KCNJ6: variants seen among roughly 807,000 people sequenced by gnomAD.
KCNJ6 encodes the protein G protein-activated inward rectifier potassium channel 2.
KCNJ6 carries 9 observed loss-of-function variants against 34.2 expected under a neutral mutation model. The observed-to-expected ratio is 0.26, with a 90% CI of 0.16 to 0.46. The LOEUF is 0.46. KCNJ6 is among the 20% of genes least tolerant of loss of function. KCNJ6 has a pLI of 1.00. For synonymous variants in KCNJ6, 196 were observed against 207.1 expected, an observed-to-expected ratio of 0.95 and a Z score of 0.46; for missense variants, 236 against 531.3, an observed-to-expected ratio of 0.44 and a Z score of 5.46.
At chr21:37,644,090 T>C (rs189664482) in intron 3 of KCNJ6, among the ~76,000 whole-genome samples, 6 of 152,304 alleles carry the variant, frequency 3.9e-5, no homozygotes, top group African/African-American at 7.2e-5. Context: ...TGGATGGAGC[T>C]GGAGGGCATT....
intron 2 of KCNJ6, among the ~76,000 whole-genome samples, chr21:37,721,191 G>A (rs1233868033): frequency 1.3e-5 from 2 of 152,134 alleles, no homozygotes; most frequent in African/African-American, 2.4e-5. Flanking sequence ...TTCATTGCTA[G>A]TCATTAGAAA....
At chr21:37,820,007 C>T (rs916429092) in intron 2 of KCNJ6, among the ~76,000 whole-genome samples, 1 of 151,850 alleles carries the variant, frequency 6.6e-6, no homozygotes, top group Non-Finnish European at 1.5e-5. Flanking sequence ...AGGCTGGTCT[C>T]GAACTCCTGA....
At chr21:37,833,282 T>C (rs2055435763) in intron 2 of KCNJ6, among the ~76,000 whole-genome samples, 2 of 152,182 alleles carry the variant, frequency 1.3e-5, no homozygotes, top group African/African-American at 2.4e-5. Context: ...CCCAAAGTGC[T>C]GGGATTACAG....
chr21:37,701,658 G>T (rs984679519), intron 3 of KCNJ6, among the ~76,000 whole-genome samples: 1 of 152,088 alleles, frequency 6.6e-6, no homozygotes, highest in Non-Finnish European at 1.5e-5. Context: ...AATGTCAGCT[G>T]GCCATGAGTG....
chr21:37,761,080 A>G (rs111242139), intron 2 of KCNJ6, among the ~76,000 whole-genome samples: 3,232 of 152,132 alleles, frequency 0.021, 116 homozygotes, highest in African/African-American at 0.073. Context: ...CGCCCCTTAG[A>G]GTAAGGGCCA....
chr21:37,626,744 G>T (rs1355060262), intron 3 of KCNJ6, among the ~76,000 whole-genome samples: 4 of 152,170 alleles, frequency 2.6e-5, no homozygotes, highest in African/African-American at 4.8e-5. Context: ...AGGCAAAAAG[G>T]CGTGGTGTCT....
At chr21:37,764,163 G>A (rs912290769) in intron 2 of KCNJ6, among the ~76,000 whole-genome samples, 2 of 152,176 alleles carry the variant, frequency 1.3e-5, no homozygotes, top group African/African-American at 4.8e-5. Flanking sequence ...ACTATGGTGA[G>A]TGAGATTGAG....
chr21:37,621,781 C>T lies in KCNJ6; in HGVS notation c.*3378G>A, dbSNP rs571467153. On this transcript the variant is annotated 3_prime_UTR_variant, in exon 4 of 4. Transcript: ENST00000609713. Reference sequence around the variant, plus strand: ...GGAGTGGGGGAAGAGAGAGTTCTGCCTCATGGACATAGAGGGGATATATGC... The same window carrying T: ...GGAGTGGGGGAAGAGAGAGTTCTGCTTCATGGACATAGAGGGGATATATGC... 1.3e-5 allele frequency: 2 copies of T among 152,272 alleles called. No homozygotes were observed. The highest frequency in any genetic ancestry group is 3.9e-4 in the East Asian group (2 of 5,186). 9.4% of individuals were successfully genotyped at this position (152,272 alleles called of 1,614,324 possible). A position where few individuals can be genotyped will look rare whatever the true frequency, so the allele number is the denominator to read the frequency against.
intron 3 of KCNJ6, among the ~76,000 whole-genome samples, chr21:37,685,328 G>A (rs962508822): frequency 6.6e-6 from 1 of 151,600 alleles, no homozygotes; most frequent in Non-Finnish European, 1.5e-5. Context: ...AGGGCAATTT[G>A]GCAATATCTT....
At position 37,753,459 on chromosome 21, in the gene KCNJ6, G is replaced by T. The variant is rs183684795; in HGVS notation, c.26-38328C>A. On this transcript the variant is annotated intron_variant, in intron 2 of 3. Transcript: ENST00000609713. ...CAAAGGGCAGCAGAGTGTTCTGTTC[G>T]CACATCAAGAACGTATCCCAGCCTT... 5.5e-3 allele frequency among the ~76,000 whole-genome samples: 836 copies of T among 152,172 alleles called. 2 individuals carry two copies. Among genetic ancestry groups the T allele is most frequent in the Non-Finnish European group, 8.8e-3 (599 of 68,002 alleles).
At chr21:37,816,660 GA>G (rs376986404) in intron 2 of KCNJ6, among the ~76,000 whole-genome samples, 187 of 152,334 alleles carry the variant, frequency 1.2e-3, no homozygotes, top group South Asian at 2.5e-3. Context: ...CTATAGCAGT[GA>G]AACCTGCTTA....
intron 2 of KCNJ6, among the ~76,000 whole-genome samples, chr21:37,832,411 C>T (rs985756933): frequency 5.9e-5 from 9 of 152,032 alleles, no homozygotes; most frequent in Non-Finnish European, 1.3e-4. Context: ...ACGTCTTCCT[C>T]GGCCCTTAAC....
intron 3 of KCNJ6, among the ~76,000 whole-genome samples, chr21:37,668,531 A>C (rs1202726046): frequency 6.6e-6 from 1 of 152,134 alleles, no homozygotes; most frequent in Non-Finnish European, 1.5e-5. Context: ...ACTTCTTTAA[A>C]GGCCCTACCT....
chr21:37,798,070 G>A (rs1227089171), intron 2 of KCNJ6, among the ~76,000 whole-genome samples: 1 of 152,176 alleles, frequency 6.6e-6, no homozygotes. Context: ...CTGAGCATTG[G>A]TGCTAAGGGC....
intron 2 of KCNJ6, among the ~76,000 whole-genome samples, chr21:37,827,298 A>G (rs1314677513): frequency 1.3e-5 from 2 of 152,148 alleles, no homozygotes; most frequent in Non-Finnish European, 2.9e-5. Flanking sequence ...AAGCACTTGC[A>G]TATTTGGCAG....
chr21:37,735,348 G>A (rs947856990), intron 2 of KCNJ6, among the ~76,000 whole-genome samples: 3 of 152,172 alleles, frequency 2.0e-5, no homozygotes, highest in Admixed American at 6.5e-5. Flanking sequence ...CACCCACGGC[G>A]CTTTCACCTT....
At chr21:37,740,404 C>T (rs1281584991) in intron 2 of KCNJ6, among the ~76,000 whole-genome samples, 1 of 152,172 alleles carries the variant, frequency 6.6e-6, no homozygotes, top group African/African-American at 2.4e-5. Flanking sequence ...TTATCGCAAC[C>T]TAGACATTAC....
chr21:37,874,905 C>A (rs1393506196), intron 1 of KCNJ6, among the ~76,000 whole-genome samples: 2 of 152,242 alleles, frequency 1.3e-5, no homozygotes, highest in African/African-American at 4.8e-5. Flanking sequence ...ACTGGCCTCT[C>A]TGTGTCCACT....
intron 2 of KCNJ6, among the ~76,000 whole-genome samples, chr21:37,720,937 G>A (rs1249091048): frequency 6.6e-6 from 1 of 151,674 alleles, no homozygotes; most frequent in Non-Finnish European, 1.5e-5. Flanking sequence ...TCGATCTCCT[G>A]ACCTCATGAT....
Sources: allele counts gnomAD v4.1 joint callset (sites outside exome capture counted in the v4.1 genomes callset), GRCh38; gene constraint gnomAD v4.1.1; transcripts MANE v1.5; gene names NCBI Gene and HGNC (gene_info 2026-07-23, HGNC 2026-07-21).